The following AVEN variants were observed in gnomAD, a reference collection of about 807,000 sequenced individuals.
AVEN encodes apoptosis and caspase activation inhibitor.
AVEN carries 41 observed loss-of-function variants against 38.1 expected under a neutral mutation model. The observed-to-expected ratio is 1.08, with a 90% CI of 0.84 to 1.40. The LOEUF is 1.40. Ranked by LOEUF, AVEN falls within the 40% of genes most tolerant of loss-of-function variation. AVEN has a pLI of 0.00. For synonymous variants in AVEN, 206 were observed against 171.8 expected (o/e 1.20, Z -1.56); for missense variants, 605 against 438.8 (o/e 1.38, Z -3.38).
At chr15:33,978,920 T>A (rs1896012878) in intron 2 of AVEN, among the ~76,000 whole-genome samples, 1 of 89,874 alleles carries the variant, frequency 1.1e-5, no homozygotes, top group African/African-American at 2.7e-5. Flanking sequence ...AAGAGATGTA[T>A]GTCCATGCCA....
At chr15:33,870,063 T>C (rs766135664) in intron 4 of AVEN, among the ~76,000 whole-genome samples, 16 of 152,204 alleles carry the variant, frequency 1.1e-4, no homozygotes, top group Non-Finnish European at 2.4e-4. Context: ...ATCCTACCAC[T>C]GAGTTGCACA....
At chr15:33,893,929 G>A (rs913067608) in intron 2 of AVEN, among the ~76,000 whole-genome samples, 4 of 151,164 alleles carry the variant, frequency 2.6e-5, no homozygotes, top group Non-Finnish European at 4.4e-5. Flanking sequence ...GAATGAGAAG[G>A]AGGAGCAACC....
downstream of AVEN, chr15:33,857,881 C>T (rs575688215): frequency 1.4e-5 from 22 of 1,614,124 alleles, no homozygotes; most frequent in East Asian, 8.9e-5. Context: ...AAGACGATGA[C>T]GAGCCCGATA....
At chr15:33,998,716 A>G (rs1433301251) in intron 2 of AVEN, among the ~76,000 whole-genome samples, 1 of 152,220 alleles carries the variant, frequency 6.6e-6, no homozygotes, top group African/African-American at 2.4e-5. Flanking sequence ...CATCAACTGC[A>G]TTTGATACAG....
chr15:33,879,850 TGTAATGTCTATAAAGAGAACA>T (rs1246576719), intron 2 of AVEN, among the ~76,000 whole-genome samples: 2 of 152,216 alleles, frequency 1.3e-5, no homozygotes, highest in Non-Finnish European at 2.9e-5. Flanking sequence ...CTCTGTATTA[TGTAATGTCTATAAAGAGAACA>T]GTAATGTCTA....
At chr15:33,861,147 A>T in intron 11 of AVEN, 1 of 1,595,654 alleles carries the variant, frequency 6.3e-7, no homozygotes, top group Non-Finnish European at 8.5e-7. Flanking sequence ...TGAAACACAT[A>T]CATTACAAGA....
intron 2 of AVEN, among the ~76,000 whole-genome samples, chr15:33,942,393 G>C (rs1894350143): frequency 6.6e-6 from 1 of 152,058 alleles, no homozygotes; most frequent in Admixed American, 6.6e-5. Context: ...GTGGTACTAA[G>C]TATTTAAATG....
intron 1 of AVEN, among the ~76,000 whole-genome samples, chr15:34,027,825 C>CAAA (rs539182561): frequency 0.023 from 1,391 of 61,206 alleles, 39 homozygotes; most frequent in African/African-American, 0.047. Context: ...AGGTGAGGCT[C>CAAA]AAAAAAAAAA....
chr15:34,025,637 C>T (rs995043887), intron 1 of AVEN, among the ~76,000 whole-genome samples: 2 of 152,040 alleles, frequency 1.3e-5, no homozygotes, highest in African/African-American at 4.8e-5. Flanking sequence ...TAAAAGATTT[C>T]CTTGCTTTTA....
intron 2 of AVEN, among the ~76,000 whole-genome samples, chr15:33,900,121 TTCTC>T (rs1892428488): frequency 1.3e-5 from 2 of 152,254 alleles, no homozygotes; most frequent in South Asian, 4.1e-4. Flanking sequence ...TTTCCTCTTC[TTCTC>T]TCTAAGCCCT....
chr15:33,869,712 G>T (rs1224532928), intron 4 of AVEN, among the ~76,000 whole-genome samples: 1 of 152,116 alleles, frequency 6.6e-6, no homozygotes, highest in Non-Finnish European at 1.5e-5. Context: ...GCAAATGAAT[G>T]GGTAACCAAT....
chr15:33,882,489 T>C (rs115057444), intron 2 of AVEN, among the ~76,000 whole-genome samples: 3,987 of 152,154 alleles, frequency 0.026, 181 homozygotes, highest in African/African-American at 0.09. Flanking sequence ...CATTGCTCTA[T>C]TGCCACATTT....
intron 5 of AVEN, among the ~76,000 whole-genome samples, chr15:34,059,994 AAAAG>A (rs144128211): frequency 0.089 from 13,510 of 152,162 alleles, 916 homozygotes; most frequent in East Asian, 0.31. Flanking sequence ...AGGAAGGAAG[AAAAG>A]AAAGAATAAA....
At position 34,038,884 on chromosome 15, in the gene AVEN, G is replaced by GGCCACGGCCCCGGCGTCC; in HGVS notation, c.145_162dup (p.Gly49_Gly54dup). 8.8e-7 allele frequency: 1 copy of GGCCACGGCCCCGGCGTCC among 1,141,256 alleles called. No homozygotes were observed. The highest frequency in any genetic ancestry group is 1.1e-6 in the Non-Finnish European group (1 of 934,308). The allele number at this position is 1,141,256 out of a possible 1,614,324, so 70.7% of individuals were successfully genotyped here. The stretch of plus-strand genomic sequence containing the variant: ...CGAGCGCCGCGGAAGCCCCGGCCAC[G>GGCCACGGCCCCGGCGTCC]GCCACGGCCCCGGCGTCCGCCTCCG... On this transcript the variant is annotated inframe_insertion, in exon 1 of 6. Transcript: ENST00000306730.
At chr15:33,867,347 G>A (rs1196633409) in intron 5 of AVEN, 148 bp downstream of exon 5, 28 of 1,171,306 alleles carry the variant, frequency 2.4e-5, no homozygotes, top group Non-Finnish European at 3.1e-5. Context: ...GGGGGAAGCA[G>A]AGACGTGAGC....
intron 2 of AVEN, among the ~76,000 whole-genome samples, chr15:33,978,976 A>G (rs1896015942): frequency 6.6e-6 from 1 of 152,190 alleles, no homozygotes; most frequent in Admixed American, 6.5e-5. Context: ...AAATAAAAAA[A>G]CAGACAATAA....
chr15:33,908,792 G>C (rs1892806545), intron 2 of AVEN, among the ~76,000 whole-genome samples: 1 of 152,052 alleles, frequency 6.6e-6, no homozygotes, highest in African/African-American at 2.4e-5. Context: ...ATTTTAAAAA[G>C]ACAAATAATT....
At chr15:33,852,776 A>G in the AVEN span, 4 of 371,850 alleles carry the variant, frequency 1.1e-5, no homozygotes, top group Non-Finnish European at 2.0e-5. Context: ...ATCTGTCATC[A>G]CAATTCTTGG....
intron 2 of AVEN, among the ~76,000 whole-genome samples, chr15:33,923,099 A>T (rs1017133788): frequency 3.3e-5 from 5 of 151,644 alleles, no homozygotes; most frequent in Non-Finnish European, 7.4e-5. Context: ...GAAAGTTTTC[A>T]CAAGATTAAG....
Sources: allele counts gnomAD v4.1 joint callset (sites outside exome capture counted in the v4.1 genomes callset), GRCh38; gene constraint gnomAD v4.1.1; transcripts MANE v1.5; gene names NCBI Gene and HGNC (gene_info 2026-07-23, HGNC 2026-07-21).